SETD2: variants seen among roughly 807,000 people sequenced by gnomAD.
SETD2 encodes SET domain containing 2, histone lysine methyltransferase.
SETD2 carries 31 observed loss-of-function variants against 242.1 expected under a neutral mutation model. That is an observed-to-expected ratio of 0.13 (90% CI 0.10 to 0.17). The LOEUF (loss-of-function observed/expected upper bound fraction) is 0.17. Among genes scored for constraint, SETD2 ranks in the 10% least tolerant of loss-of-function variants. The pLI is 1.00. For missense variants in SETD2, 2,481 were observed against 3,046.3 expected (o/e 0.81, Z 4.37); for synonymous variants, 1,006 against 1,066.5 (o/e 0.94, Z 1.11).
intron 9 of SETD2, 51 bp downstream of exon 9, chr3:47,097,904 T>A (rs1299616289): frequency 3.8e-6 from 6 of 1,597,766 alleles, no homozygotes; most frequent in Non-Finnish European, 5.1e-6. Flanking sequence ...AAAAGCCACC[T>A]CGCTTTTTAA....
chr3:47,147,672 C>T (rs1323187278), intron 1 of SETD2, among the ~76,000 whole-genome samples: 1 of 151,224 alleles, frequency 6.6e-6, no homozygotes, highest in African/African-American at 2.4e-5. Flanking sequence ...TCCTGTAATC[C>T]CAGCACTTTG....
intron 1 of SETD2, chr3:47,145,491 C>A (rs1172460655): frequency 9.2e-6 from 4 of 435,200 alleles, no homozygotes; most frequent in South Asian, 6.6e-5. Flanking sequence ...AACTCCTGGA[C>A]TCAAATGATC....
chr3:47,163,128 G>C (rs1243714093), intron 1 of SETD2, among the ~76,000 whole-genome samples: 3 of 152,208 alleles, frequency 2.0e-5, no homozygotes, highest in Non-Finnish European at 2.9e-5. Flanking sequence ...ATGTCCCTCA[G>C]GAGGCTTTCA....
rs182906692 is a variant in SETD2 at position 47,099,515 on chromosome 3, T to C, written c.5016-1434A>G. Among the ~76,000 whole-genome samples, 21 of 152,336 alleles carry C rather than the reference T, an allele frequency of 1.4e-4. No homozygotes were observed. In the East Asian group the frequency reaches 2.1e-3, roughly 15 times the overall value. On this transcript the variant is annotated intron_variant, in intron 8 of 20. Transcript: ENST00000409792. ...CATTATGAGGCACACATTAGTTGTCTTTTTCTGATATTAGCGGCCACTAAT... is the reference window on the plus strand; with the variant it reads ...CATTATGAGGCACACATTAGTTGTCCTTTTCTGATATTAGCGGCCACTAAT...
At chr3:47,162,273 C>T (rs994109319) in intron 1 of SETD2, among the ~76,000 whole-genome samples, 2 of 151,990 alleles carry the variant, frequency 1.3e-5, no homozygotes, top group African/African-American at 4.8e-5. Context: ...TTTATTGAAT[C>T]GTGATATAAA....
intron 11 of SETD2, among the ~76,000 whole-genome samples, chr3:47,085,849 G>A (rs1288413917): frequency 6.6e-6 from 1 of 151,858 alleles, no homozygotes; most frequent in East Asian, 1.9e-4. Flanking sequence ...AGACCCCACA[G>A]TTCAAATTTT....
intron 15 of SETD2, among the ~76,000 whole-genome samples, chr3:47,050,955 ACTC>A (rs2039811409): frequency 6.7e-6 from 1 of 149,756 alleles, no homozygotes; most frequent in African/African-American, 2.5e-5. Context: ...CTGGTCTTGA[ACTC>A]CTGACCTCAA....
chr3:47,090,160 T>G (rs559427447), intron 9 of SETD2, among the ~76,000 whole-genome samples: 2 of 152,036 alleles, frequency 1.3e-5, no homozygotes, highest in Admixed American at 1.3e-4. Flanking sequence ...GGCAGGAGAA[T>G]AGCTTGAACC....
intron 8 of SETD2, among the ~76,000 whole-genome samples, chr3:47,098,721 A>C (rs1406093070): frequency 6.6e-6 from 1 of 152,086 alleles, no homozygotes; most frequent in Non-Finnish European, 1.5e-5. Context: ...GTTTGAATCC[A>C]GGAGGCAGAG....
Position 47,057,300 on chromosome 3 carries a change from G to A in SETD2, c.6484C>T (p.His2162Tyr), listed in dbSNP as rs2040125679. 5.0e-6 allele frequency: 8 copies of A among 1,614,218 alleles called. No individual in the cohort carries two copies. Among genetic ancestry groups the A allele is most frequent in the Non-Finnish European group, 5.9e-6 (7 of 1,180,042 alleles). Residue 2162 changes from histidine to tyrosine, a missense_variant, in exon 15 of 21, where the codon CAT becomes TAT. His to Tyr is a moderately conservative substitution (Grantham distance 83, BLOSUM62 2). Transcript: ENST00000409792. ...CCTGGTGGGTAACCAGCAAAGGGAT[G>A]ATGCGGGGCATTATAACCAAGAGAG... Reference protein sequence around the residue: ...YDSLGYNAPHHPFAGYPPGYP... With the variant: ...YDSLGYNAPHYPFAGYPPGYP...
chr3:47,128,946 C>T (rs558735912), intron 1 of SETD2, among the ~76,000 whole-genome samples: 26 of 152,178 alleles, frequency 1.7e-4, no homozygotes, highest in African/African-American at 5.8e-4. Flanking sequence ...CTGCATAGTA[C>T]GCACACATAC....
Position 47,122,606 on chromosome 3 carries a change from G to A in SETD2, c.2030C>T (p.Pro677Leu), listed in dbSNP as rs766229574. ...TGTTGCCAAATCAGATTCTGCCCCA[G>A]GAGATCCATTTATATTTAATTCTAT... ...CPIELNINGSPGAESDLATFC... is the reference protein window; with the variant it reads ...CPIELNINGSLGAESDLATFC... The change falls in exon 3 of 21, where the codon CCT (proline) becomes CTT (leucine). Residue 677 changes from proline (P) to leucine (L), a missense_variant. Around this residue, in one of 17 missense-constraint regions of SETD2, gnomAD observed 1,300 missense variants for 1,259.2 expected, o/e 1.03. Transcript: ENST00000409792. 3.1e-6 allele frequency: 5 copies of A among 1,613,982 alleles called. No homozygotes were observed. Among genetic ancestry groups the A allele is most frequent in the African/African-American group, 1.3e-5 (1 of 75,036 alleles).
chr3:47,035,261 G>A (rs923490491), intron 18 of SETD2, among the ~76,000 whole-genome samples: 1 of 152,210 alleles, frequency 6.6e-6, no homozygotes, highest in African/African-American at 2.4e-5. Flanking sequence ...GTGCTCTTGG[G>A]TGCTGAGCAG....
chr3:47,021,267 C>A (rs1279665878), intron 18 of SETD2, among the ~76,000 whole-genome samples: 1 of 152,046 alleles, frequency 6.6e-6, no homozygotes, highest in Non-Finnish European at 1.5e-5. Context: ...CAGAAGTCAG[C>A]AGCAACAGAA....
chr3:47,149,176 C>T (rs898721338), intron 1 of SETD2, among the ~76,000 whole-genome samples: 7 of 152,150 alleles, frequency 4.6e-5, no homozygotes, highest in African/African-American at 1.7e-4. Flanking sequence ...GGCAGCTATT[C>T]TAAATGTTAT....
At chr3:47,155,921 A>C (rs1316725461) in intron 1 of SETD2, among the ~76,000 whole-genome samples, 3 of 152,098 alleles carry the variant, frequency 2.0e-5, no homozygotes, top group Non-Finnish European at 2.9e-5. Flanking sequence ...AATATAAACT[A>C]TCTCTCAGGG....
chr3:47,121,657 A>C lies in SETD2; in HGVS notation c.2979T>G (p.Ser993=), dbSNP rs575258352. 201 of 1,614,148 alleles carry C rather than the reference A, an allele frequency of 1.2e-4. 2 individuals carry two copies. The Middle Eastern group carries it at 3.5e-3, about 28-fold the overall frequency. Reference sequence around the variant, plus strand: ...AAGAAAATACAACTTCTGAGTCATCAGAAGTATGCACATGTCCTCCTTCTC... The same window carrying C: ...AAGAAAATACAACTTCTGAGTCATCCGAAGTATGCACATGTCCTCCTTCTC... The part of the protein sequence containing the change: ...ERGEGGHVHT[S]DDSEVVFSSC... The change falls in exon 3 of 21, where the codon TCT becomes TCG. Residue 993 remains serine, a synonymous_variant. Coordinates refer to ENST00000409792, the MANE Select transcript of SETD2 (RefSeq NM_014159.7).
At chr3:47,091,800 C>A (rs1402649053) in intron 9 of SETD2, among the ~76,000 whole-genome samples, 1 of 151,606 alleles carries the variant, frequency 6.6e-6, no homozygotes, top group Non-Finnish European at 1.5e-5. Flanking sequence ...TAAAAATTAG[C>A]CAGGTGTGGT....
rs2106705293 is a variant in SETD2, at chr3:47,123,500, C to G, written c.1136G>C (p.Ser379Thr). The G allele has an allele frequency of 6.4e-7, 1 of 1,551,120 alleles. No individual in the cohort carries two copies. The highest frequency in any genetic ancestry group is 8.7e-7 in the Non-Finnish European group (1 of 1,146,974). ...AGTATCTCTTTCAAGTTTTGAATAG[C>G]TAAAATATTTATCATCTCTGTCTGT... ...SKTDRDDKYF[S>T]YSKLERDTRY... The change falls in exon 3 of 21, where the codon AGC (serine) becomes ACC (threonine). Residue 379 changes from serine to threonine, a missense_variant. Ser to Thr is a moderately conservative substitution (Grantham distance 58). Around this residue, in one of 17 missense-constraint regions of SETD2, gnomAD observed 1,300 missense variants for 1,259.2 expected, o/e 1.03. Coordinates refer to ENST00000409792, the MANE Select transcript of SETD2 (RefSeq NM_014159.7).
Sources: allele counts gnomAD v4.1 joint callset (sites outside exome capture counted in the v4.1 genomes callset), GRCh38; gene constraint gnomAD v4.1.1; regional missense constraint gnomAD v4.1.1; transcripts MANE v1.5; gene names NCBI Gene and HGNC (gene_info 2026-07-23, HGNC 2026-07-21).